The following LGSN variants were observed in gnomAD, a reference collection of about 807,000 sequenced individuals.
LGSN encodes the protein lengsin.
A neutral mutation model predicts 19.5 loss-of-function variants in LGSN; 21 were observed. That is an observed-to-expected ratio of 1.07 (90% CI 0.76 to 1.55). The LOEUF is 1.55. Ranked by LOEUF, LGSN falls within the 40% of genes most tolerant of loss-of-function variation. The pLI is 0.00. For missense variants in LGSN, 673 were observed against 608.5 expected (o/e 1.11, Z -1.12); for synonymous variants, 257 against 215.6 (o/e 1.19, Z -1.68).
chr6:63,545,139 C>T, the LGSN span, among the ~76,000 whole-genome samples: 1 of 152,130 alleles, frequency 6.6e-6, no homozygotes, highest in Non-Finnish European at 1.5e-5. Context: ...CTCATTGATT[C>T]TCCTTTTATT....
chr6:63,347,199 G>A, the LGSN span, among the ~76,000 whole-genome samples: 2 of 152,156 alleles, frequency 1.3e-5, no homozygotes, highest in African/African-American at 4.8e-5. Context: ...AATGAGTGGT[G>A]AGTAGGAGAG....
chr6:63,278,646 C>G lies in LGSN; in HGVS notation c.*1375G>C, dbSNP rs1442228978. 1.3e-5 allele frequency: 2 copies of G among 148,220 alleles called. No individual in the cohort carries two copies. Among genetic ancestry groups the G allele is most frequent in the African/African-American group, 5.0e-5 (2 of 39,960 alleles). 9.2% of individuals were successfully genotyped at this position (148,220 alleles called of 1,614,324 possible). On this transcript the variant is annotated 3_prime_UTR_variant, in exon 4 of 4. Coordinates refer to ENST00000370657, the MANE Select transcript of LGSN (RefSeq NM_016571.3). ...TTTTTTTTTTTGTAGAAACAGGGGTCTCACTATGTGGTCCAGGCTGGACTC... is the reference window on the plus strand; with the variant it reads ...TTTTTTTTTTTGTAGAAACAGGGGTGTCACTATGTGGTCCAGGCTGGACTC...
chr6:63,370,458 GCC>G, the LGSN span, among the ~76,000 whole-genome samples: 2 of 152,228 alleles, frequency 1.3e-5, no homozygotes, highest in Non-Finnish European at 1.5e-5. Context: ...ACTCATGTAA[GCC>G]TATGTTTAGG....
chr6:63,360,530 T>C, the LGSN span, among the ~76,000 whole-genome samples: 2 of 152,234 alleles, frequency 1.3e-5, no homozygotes, highest in Non-Finnish European at 2.9e-5. Flanking sequence ...TAAGGACTTC[T>C]CTGCATTGGT....
At chr6:63,443,930 T>G in the LGSN span, among the ~76,000 whole-genome samples, 1 of 143,060 alleles carries the variant, frequency 7.0e-6, no homozygotes, top group Non-Finnish European at 1.5e-5. Context: ...AAAAAAAAAG[T>G]GTCATGAGAC....
At chr6:63,572,518 G>A in the LGSN span, 2 of 391,498 alleles carry the variant, frequency 5.1e-6, no homozygotes, top group Non-Finnish European at 9.0e-6. Context: ...CTGCGGGCCG[G>A]CTCGGCTACG....
intron 3 of LGSN, among the ~76,000 whole-genome samples, chr6:63,281,538 A>G (rs1767323774): frequency 1.3e-5 from 2 of 152,074 alleles, no homozygotes; most frequent in African/African-American, 4.8e-5. Flanking sequence ...TTACAGCAAA[A>G]AACAAAGGAA....
chr6:63,567,940 C>T, the LGSN span, among the ~76,000 whole-genome samples: 1 of 152,196 alleles, frequency 6.6e-6, no homozygotes, highest in East Asian at 1.9e-4. Context: ...ATGAATCCAC[C>T]TCTGCTATCT....
chr6:63,300,423 T>G (rs766034917), intron 1 of LGSN, among the ~76,000 whole-genome samples: 3 of 152,180 alleles, frequency 2.0e-5, no homozygotes, highest in Non-Finnish European at 4.4e-5. Context: ...TCCAAGCACT[T>G]TGGGAGACTG....
the LGSN span, among the ~76,000 whole-genome samples, chr6:63,483,635 C>A: frequency 3.3e-5 from 5 of 151,944 alleles, no homozygotes; most frequent in Non-Finnish European, 5.9e-5. Flanking sequence ...TTGTTTTCTG[C>A]ATTAATCTTC....
At chr6:63,285,359 G>A (rs1767482455) in intron 3 of LGSN, among the ~76,000 whole-genome samples, 1 of 152,132 alleles carries the variant, frequency 6.6e-6, no homozygotes, top group Non-Finnish European at 1.5e-5. Context: ...AATTAGTTTT[G>A]TATTTCTATT....
the LGSN span, chr6:63,550,314 C>T: frequency 1.3e-5 from 2 of 152,098 alleles, no homozygotes; most frequent in African/African-American, 4.8e-5. Context: ...GTGTGCCCGC[C>T]CTCTCTTTCT....
At chr6:63,519,227 A>C in the LGSN span, among the ~76,000 whole-genome samples, 81 of 152,142 alleles carry the variant, frequency 5.3e-4, no homozygotes, top group African/African-American at 1.4e-3. Flanking sequence ...GAATCACTGA[A>C]ACCTGGGAGG....
the LGSN span, among the ~76,000 whole-genome samples, chr6:63,470,653 AG>A: frequency 5.3e-5 from 8 of 152,104 alleles, no homozygotes; most frequent in Non-Finnish European, 1.0e-4. Context: ...TGCTCTGATA[AG>A]GAATACACCT....
At chr6:63,299,053 T>A (rs1208839146) in intron 1 of LGSN, among the ~76,000 whole-genome samples, 1 of 151,812 alleles carries the variant, frequency 6.6e-6, no homozygotes, top group Non-Finnish European at 1.5e-5. Flanking sequence ...TTTTCAGAGC[T>A]ATCCATACCG....
chr6:63,449,938 G>C, the LGSN span, among the ~76,000 whole-genome samples: 33 of 152,242 alleles, frequency 2.2e-4, no homozygotes, highest in Non-Finnish European at 3.5e-4. Flanking sequence ...ACCCTTTTTA[G>C]GGAATGTGTG....
At chr6:63,390,180 A>G in the LGSN span, among the ~76,000 whole-genome samples, 3 of 116,772 alleles carry the variant, frequency 2.6e-5, no homozygotes, top group African/African-American at 1.0e-4. Context: ...CCCAGGCTGG[A>G]GTGCAGTGGC....
the LGSN span, among the ~76,000 whole-genome samples, chr6:63,455,431 T>C: frequency 6.6e-6 from 1 of 152,192 alleles, no homozygotes; most frequent in Non-Finnish European, 1.5e-5. Context: ...TAAAACAACT[T>C]AGAAATCCCC....
the LGSN span, chr6:63,548,702 G>A: frequency 1.7e-6 from 1 of 602,172 alleles, no homozygotes. Context: ...ACTCAACAGT[G>A]TACATTTAAC....
Sources: gnomAD v4.1 joint callset for allele counts (sites outside exome capture counted in the v4.1 genomes callset) on GRCh38, gnomAD v4.1.1 for gene constraint, MANE v1.5 for transcripts, NCBI Gene and HGNC (gene_info 2026-07-23, HGNC 2026-07-21) for gene names.